The following C19orf38 variants were observed in gnomAD, a reference collection of about 807,000 sequenced individuals.
C19orf38 encodes chromosome 19 open reading frame 38, also known as protein HIDE1.
C19orf38 carries 14 observed loss-of-function variants against 26.6 expected under a neutral mutation model. The observed-to-expected ratio is 0.53, with a 90% CI of 0.35 to 0.82. The LOEUF is 0.82. Ranked by LOEUF, C19orf38 falls within the 40% of genes least tolerant of loss-of-function variation. C19orf38 has a pLI of 0.01. For synonymous variants in C19orf38, 132 were observed against 128.5 expected, an observed-to-expected ratio of 1.03 and a Z score of -0.18; for missense variants, 261 against 299.5, an observed-to-expected ratio of 0.87 and a Z score of 0.95.
chr19:10,866,294 A>G (rs1228594999), intron 6 of C19orf38, among the ~76,000 whole-genome samples: 3 of 147,978 alleles, frequency 2.0e-5, no homozygotes, highest in Non-Finnish European at 4.5e-5. Context: ...TCAACCTCCC[A>G]GGTTCAAGCG....
chr19:10,868,819 G>T (rs1027856891), intron 6 of C19orf38, among the ~76,000 whole-genome samples: 3 of 151,768 alleles, frequency 2.0e-5, no homozygotes, highest in Non-Finnish European at 4.4e-5. Flanking sequence ...GAGATAATAT[G>T]AATGGTTGTG....
At chr19:10,842,946 TC>T (rs2076448357) in intron 1 of C19orf38, among the ~76,000 whole-genome samples, 2 of 152,182 alleles carry the variant, frequency 1.3e-5, no homozygotes, top group African/African-American at 4.8e-5. Flanking sequence ...TTGTCCTGCA[TC>T]CAAGAAGAAT....
At chr19:10,862,276 C>T (rs1211217098) in intron 5 of C19orf38, among the ~76,000 whole-genome samples, 5 of 148,984 alleles carry the variant, frequency 3.4e-5, no homozygotes, top group Non-Finnish European at 7.4e-5. Context: ...GCAATCATAG[C>T]TCACTGCAGC....
At chr19:10,862,837 GA>G (rs377754769) in intron 5 of C19orf38, among the ~76,000 whole-genome samples, 9 of 148,884 alleles carry the variant, frequency 6.0e-5, no homozygotes, top group African/African-American at 2.0e-4. Flanking sequence ...TCAAAAACAA[GA>G]AAAAAAAAAT....
At chr19:10,857,356 ATATATATATAT>A (rs1297334951) in intron 3 of C19orf38, among the ~76,000 whole-genome samples, 1 of 80,388 alleles carries the variant, frequency 1.2e-5, no homozygotes, top group Non-Finnish European at 2.1e-5. Flanking sequence ...ATATATATAT[ATATATATATAT>A]TTTTTTTTTT....
At chr19:10,837,896 C>G (rs2073448709) in intron 1 of C19orf38, among the ~76,000 whole-genome samples, 1 of 151,980 alleles carries the variant, frequency 6.6e-6, no homozygotes, top group Non-Finnish European at 1.5e-5. Flanking sequence ...ACCTCCTGGG[C>G]TCAAGTGATT....
At chr19:10,863,121 A>G (rs1366496895) in intron 5 of C19orf38, 49 bp from the exon 6 acceptor site, 3 of 1,521,420 alleles carry the variant, frequency 2.0e-6, no homozygotes, top group African/African-American at 1.4e-5. Flanking sequence ...GGAGCAGGGA[A>G]GTTACAACTG....
At chr19:10,846,095 T>A (rs540559061), upstream of C19orf38, among the ~76,000 whole-genome samples, 12 of 151,484 alleles carry the variant, frequency 7.9e-5, no homozygotes, top group South Asian at 2.3e-3. Context: ...GATGGGATGA[T>A]CTCTTGAGCC....
chr19:10,838,485 C>T (rs2073453853), intron 1 of C19orf38, among the ~76,000 whole-genome samples: 1 of 152,136 alleles, frequency 6.6e-6, no homozygotes, highest in Admixed American at 6.6e-5. Context: ...TGTGCAGTGA[C>T]TTCTATGTAG....
At chr19:10,862,837 G>GA (rs377754769) in intron 5 of C19orf38, among the ~76,000 whole-genome samples, 2,708 of 148,866 alleles carry the variant, frequency 0.018, 39 homozygotes, top group Non-Finnish European at 0.02. Flanking sequence ...TCAAAAACAA[G>GA]AAAAAAAAAA....
chr19:10,858,474 C>T lies in C19orf38; in HGVS notation c.461+131C>T, dbSNP rs1411491842. The stretch of plus-strand genomic sequence containing the variant: ...GCATGCTGCGTAATAGGAACAGGAG[C>T]CATTTATTAAGTGCCTCCTGTGTGC... On this transcript the variant is annotated intron_variant, in intron 4 of 6. Coordinates refer to ENST00000397820, the MANE Select transcript of C19orf38 (RefSeq NM_001136482.3). 9.3e-6 allele frequency: 8 copies of T among 864,752 alleles called. No homozygotes were observed. In the Admixed American group the frequency reaches 2.3e-4, roughly 25 times the overall value. The allele number at this position is 864,752 out of a possible 1,614,324, so 53.6% of individuals were successfully genotyped here. A position where few individuals can be genotyped will look rare whatever the true frequency, so the allele number is the denominator to read the frequency against.
intron 3 of C19orf38, among the ~76,000 whole-genome samples, chr19:10,857,077 A>C (rs1467379340): frequency 6.6e-6 from 1 of 151,568 alleles, no homozygotes; most frequent in African/African-American, 2.4e-5. Flanking sequence ...GACCACAGGC[A>C]CACACTACCA....
chr19:10,850,761 C>T (rs570462690), intron 2 of C19orf38, among the ~76,000 whole-genome samples, 194 bp downstream of exon 2: 29 of 152,288 alleles, frequency 1.9e-4, no homozygotes, highest in African/African-American at 7.0e-4. Context: ...CTTAAGTCAG[C>T]TCACAGGGCC....
chr19:10,864,129 C>T (rs570663797), intron 6 of C19orf38, among the ~76,000 whole-genome samples: 6 of 151,004 alleles, frequency 4.0e-5, no homozygotes, highest in African/African-American at 1.2e-4. Flanking sequence ...GGTGTGATCT[C>T]GGCTCACACA....
intron 5 of C19orf38, among the ~76,000 whole-genome samples, 182 bp from the exon 6 acceptor site, chr19:10,862,988 G>C (rs1283036801): frequency 6.6e-6 from 1 of 152,084 alleles, no homozygotes; most frequent in Admixed American, 6.6e-5. Flanking sequence ...AGAAGGACTT[G>C]GTTCACTTTG....
intron 1 of C19orf38, chr19:10,842,124 G>A: frequency 6.3e-7 from 1 of 1,579,240 alleles, no homozygotes; most frequent in South Asian, 1.1e-5. Flanking sequence ...ATCCTCAGTT[G>A]ACTCATTCAC....
At chr19:10,839,402 G>T (rs1043885541) in intron 1 of C19orf38, among the ~76,000 whole-genome samples, 7 of 152,178 alleles carry the variant, frequency 4.6e-5, no homozygotes, top group South Asian at 4.1e-4. Flanking sequence ...GAAAAGAAAT[G>T]ATATCAGGGG....
At chr19:10,848,679 T>A in intron 1 of C19orf38, 140 bp downstream of exon 1, 1 of 718,742 alleles carries the variant, frequency 1.4e-6, no homozygotes, top group Non-Finnish European at 2.4e-6. Context: ...GCAGATGGGT[T>A]TTCCCCCTGA....
At chr19:10,861,977 C>A (rs1371700676) in intron 5 of C19orf38, among the ~76,000 whole-genome samples, 1 of 152,090 alleles carries the variant, frequency 6.6e-6, no homozygotes, top group Non-Finnish European at 1.5e-5. Context: ...GGGCTCACTG[C>A]AAGCTCTGCC....
Sources: allele counts gnomAD v4.1 joint callset (sites outside exome capture counted in the v4.1 genomes callset), GRCh38; gene constraint gnomAD v4.1.1; transcripts MANE v1.5; gene names NCBI Gene and HGNC (gene_info 2026-07-23, HGNC 2026-07-21).